The following HERC1 variants were observed in gnomAD, a reference collection of about 807,000 sequenced individuals.
HERC1 encodes the protein probable E3 ubiquitin-protein ligase HERC1.
Under a neutral mutation model 554.3 loss-of-function variants are expected in HERC1, and 160 were observed. The ratio of observed to expected loss-of-function variants is 0.29; its 90% CI spans 0.25 to 0.33. The LOEUF is 0.33. Among genes scored for constraint, HERC1 ranks in the 10% least tolerant of loss-of-function variants. HERC1 has a pLI of 1.00. For missense variants in HERC1, 4,919 were observed against 5,918.5 expected (o/e 0.83, Z 5.54); for synonymous variants, 2,175 against 2,131.7 (o/e 1.02, Z -0.56).
At chr15:63,622,013 C>G (rs1042813611) in intron 74 of HERC1, among the ~76,000 whole-genome samples, 2 of 152,184 alleles carry the variant, frequency 1.3e-5, no homozygotes, top group Non-Finnish European at 2.9e-5. Context: ...CTCCGTCCAG[C>G]TTTGTTCCGT....
chr15:63,730,910 A>G (rs2074263290), intron 14 of HERC1, among the ~76,000 whole-genome samples: 1 of 152,220 alleles, frequency 6.6e-6, no homozygotes, highest in Admixed American at 6.5e-5. Flanking sequence ...TCAAAACTCT[A>G]TTTTAAAAAG....
chr15:63,671,575 C>T (rs1040670535), intron 39 of HERC1, among the ~76,000 whole-genome samples: 1 of 152,112 alleles, frequency 6.6e-6, no homozygotes, highest in Non-Finnish European at 1.5e-5. Context: ...TACGCTGAAG[C>T]CACTGTATCA....
At position 63,634,777 on chromosome 15, in the gene HERC1, G is replaced by T. The variant is rs748829364; in HGVS notation, c.12526C>A (p.Leu4176Ile). 7 of 1,613,360 alleles carry T rather than the reference G, an allele frequency of 4.3e-6. No individual in the cohort carries two copies. Among genetic ancestry groups the T allele is most frequent in the Non-Finnish European group, 5.9e-6 (7 of 1,179,582 alleles). Residue 4176 changes from leucine to isoleucine, a missense_variant, in exon 66 of 78, where the codon CTT (leucine) becomes ATT (isoleucine). Transcript: ENST00000443617. ...TCCAGTGCAGTCACTCTCTCTGGAAGTTTTTTGTTAGAGGTATTTCCAAGA... is the reference window on the plus strand; with the variant it reads ...TCCAGTGCAGTCACTCTCTCTGGAATTTTTTTGTTAGAGGTATTTCCAAGA... The part of the protein sequence containing the change: ...LGLGNTSNKK[L>I]PERVTALEGY...
At chr15:63,804,584 C>CAA (rs934481150) in intron 1 of HERC1, among the ~76,000 whole-genome samples, 1 of 122,226 alleles carries the variant, frequency 8.2e-6, no homozygotes, top group African/African-American at 3.0e-5. Context: ...AAAACTGTCT[C>CAA]AAAAAAAAAA....
intron 8 of HERC1, among the ~76,000 whole-genome samples, chr15:63,751,609 G>C (rs2075250309): frequency 6.6e-6 from 1 of 152,122 alleles, no homozygotes; most frequent in Admixed American, 6.5e-5. Flanking sequence ...GTACAGAAGA[G>C]GCCTGAAAGT....
In HERC1 at chr15:63,684,310, T is replaced by A. The variant is rs559045360; in HGVS notation, c.6225+2049A>T. Among the ~76,000 whole-genome samples, 4 of 152,284 alleles carry A rather than the reference T, an allele frequency of 2.6e-5. No individual in the cohort carries two copies. The South Asian group carries it at 8.3e-4, about 32-fold the overall frequency. ...AAAGCAGTTTACTAAATAAAACTGT[T>A]CCCAGAAAGAAACTGATCTTTTCCA... On this transcript the variant is annotated intron_variant, in intron 34 of 77. Coordinates refer to ENST00000443617, the MANE Select transcript of HERC1 (RefSeq NM_003922.4).
chr15:63,625,139 C>T (rs2068245556), intron 71 of HERC1, among the ~76,000 whole-genome samples: 1 of 152,174 alleles, frequency 6.6e-6, no homozygotes, highest in South Asian at 2.1e-4. Context: ...CACACACACG[C>T]ACGCACACAC....
At chr15:63,770,086 G>C (rs1425646791) in intron 2 of HERC1, among the ~76,000 whole-genome samples, 1 of 152,020 alleles carries the variant, frequency 6.6e-6, no homozygotes, top group African/African-American at 2.4e-5. Context: ...TATAGCATGG[G>C]ATACAGGGCC....
chr15:63,689,673 G>C lies in HERC1; in HGVS notation c.5964C>G (p.Leu1988=), dbSNP rs181383179. 98 of 1,584,810 alleles carry C rather than the reference G, an allele frequency of 6.2e-5. 1 individual carries two copies. The East Asian group carries it at 2.2e-3, about 36-fold the overall frequency. Residue 1988 remains leucine, a synonymous_variant, in exon 33 of 78, where the codon CTC becomes CTG. Coordinates refer to ENST00000443617, the MANE Select transcript of HERC1 (RefSeq NM_003922.4). ...TGGGTGTCTCCCACATACAATCAGA[G>C]AGAAGGGAAAATAAGCGCTCAACAA... is the stretch of plus-strand genomic sequence containing the variant. ...AQIVERLFSL[L]SDCMWETPIA...
chr15:63,809,963 C>T (rs2077251155), intron 1 of HERC1, among the ~76,000 whole-genome samples: 1 of 152,058 alleles, frequency 6.6e-6, no homozygotes, highest in South Asian at 2.1e-4. Flanking sequence ...AGGTGTGAGC[C>T]ACTGCACCCA....
chr15:63,755,283 C>T lies in HERC1; in HGVS notation c.1576G>A (p.Val526Ile). 6.2e-7 allele frequency: 1 copy of T among 1,613,944 alleles called. No homozygotes were observed. The highest frequency in any genetic ancestry group is 1.3e-5 in the African/African-American group (1 of 75,064). The change falls in exon 6 of 78, where the codon GTC becomes ATC. Residue 526 changes from valine (V) to isoleucine (I), a missense_variant. This residue lies in a region of HERC1 where 744 missense variants were observed against 1,090.0 expected (regional missense o/e 0.68). Coordinates refer to ENST00000443617, the MANE Select transcript of HERC1 (RefSeq NM_003922.4). ...VSAGYRHSAA[V>I]TEDGELYTWG... ...GTGTATAATTCCCCATCCTCTGTGA[C>T]AGCAGCACTATGTCTGTATCCAGCT...
In HERC1 at chr15:63,623,815, C is replaced by G. The variant is rs759126793; in HGVS notation, c.13521G>C (p.Leu4507=). Residue 4507 remains leucine, a synonymous_variant, in exon 73 of 78, where the codon CTG becomes CTC. Transcript: ENST00000443617. ...VVKLNASDLR[L]PSRAWKVKLV... is the part of the protein sequence containing the mutation. ...GCTTAACCTTCCACGCTCGGGAAGG[C>G]AGGCGGAGGTCTGAAGCATTCAGCT... is the stretch of plus-strand genomic sequence containing the variant. The G allele has an allele frequency of 6.2e-7, 1 of 1,613,934 alleles. No individual in the cohort carries two copies. The highest frequency in any genetic ancestry group is 1.1e-5 in the South Asian group (1 of 91,086).
At position 63,775,554 on chromosome 15, in the gene HERC1, C is replaced by G; in HGVS notation, c.70G>C (p.Asp24His). 6.2e-7 allele frequency: 1 copy of G among 1,613,496 alleles called. No homozygotes were observed. The highest frequency in any genetic ancestry group is 8.5e-7 in the Non-Finnish European group (1 of 1,179,636). ...EHLNSSWITEDSESIATREGV... is the reference protein window; with the variant it reads ...EHLNSSWITEHSESIATREGV... The stretch of plus-strand genomic sequence containing the variant: ...TCTCTTGTAGCAATAGATTCACTGT[C>G]CTCTGTAATCCAGGAGCTGTTCAAG... The change falls in exon 2 of 78, where the codon GAC becomes CAC. Residue 24 changes from aspartate to histidine, a missense_variant. Physicochemically the swap from Asp to His is moderately conservative, Grantham distance 81. Transcript: ENST00000443617. The surrounding 1 kb of genome is among the most constrained non-coding windows in gnomAD (Gnocchi z 4.0).
intron 48 of HERC1, among the ~76,000 whole-genome samples, chr15:63,657,938 AATC>A (rs1013848627): frequency 1.3e-5 from 2 of 152,136 alleles, no homozygotes; most frequent in African/African-American, 4.8e-5. Flanking sequence ...TCAAACCATA[AATC>A]AAGTGTTTAT....
At chr15:63,676,661 T>C (rs1270816940) in intron 37 of HERC1, among the ~76,000 whole-genome samples, 3 of 152,030 alleles carry the variant, frequency 2.0e-5, no homozygotes, top group African/African-American at 2.4e-5. Context: ...AAGACTGAGG[T>C]GGGAGAATTG....
At chr15:63,666,221 T>C in intron 41 of HERC1, 71 bp from the exon 42 acceptor site, 1 of 1,407,470 alleles carries the variant, frequency 7.1e-7, no homozygotes. Context: ...TAAGAGTGTT[T>C]GCTATGATGC....
intron 12 of HERC1, among the ~76,000 whole-genome samples, chr15:63,745,795 G>T (rs1254570093): frequency 6.6e-6 from 1 of 152,078 alleles, no homozygotes; most frequent in African/African-American, 2.4e-5. Flanking sequence ...CTTGGCAGGG[G>T]GAATGATCAG....
Position 63,756,415 on chromosome 15 carries a change from TA to T in HERC1, c.1533+21del. The stretch of plus-strand genomic sequence containing the variant: ...ACTCCAATGCATCTAATTATTTTTA[TA>T]ACCAAAAAGAATGCACATACCTTTC... On this transcript the variant is annotated intron_variant, in intron 5 of 77. Coordinates refer to ENST00000443617, the MANE Select transcript of HERC1 (RefSeq NM_003922.4). This position sits in a 1 kb window ranked among gnomAD's most constrained non-coding sequence, Gnocchi z 5.0. 1 of 1,562,500 alleles carries T rather than the reference TA, an allele frequency of 6.4e-7. No homozygotes were observed. The highest frequency in any genetic ancestry group is 8.7e-7 in the Non-Finnish European group (1 of 1,150,222).
intron 51 of HERC1, among the ~76,000 whole-genome samples, chr15:63,653,070 A>G (rs2152897329): frequency 6.6e-6 from 1 of 152,354 alleles, no homozygotes; most frequent in Admixed American, 6.5e-5. Context: ...TCTTTACTAA[A>G]TATGTTTACT....
Sources: allele counts gnomAD v4.1 joint callset (sites outside exome capture counted in the v4.1 genomes callset), GRCh38; gene constraint gnomAD v4.1.1; regional missense constraint gnomAD v4.1.1; non-coding constraint Gnocchi (gnomAD v3.1); transcripts MANE v1.5; gene names NCBI Gene and HGNC (gene_info 2026-07-23, HGNC 2026-07-21).